TRIM14: variants seen among roughly 807,000 people sequenced by gnomAD.
TRIM14 encodes the protein tripartite motif-containing protein 14.
A neutral mutation model predicts 44.5 loss-of-function variants in TRIM14; 28 were observed. The observed-to-expected ratio is 0.63, with a 90% CI of 0.47 to 0.86. TRIM14 has a LOEUF of 0.86. Ranked by LOEUF, TRIM14 falls within the 40% of genes least tolerant of loss-of-function variation. The pLI is 0.00. For missense variants in TRIM14, 607 were observed against 611.1 expected (o/e 0.99, Z 0.07); for synonymous variants, 299 against 269.2 (o/e 1.11, Z -1.08).
chr9:98,091,838 A>G (rs1040443954), intron 5 of TRIM14, 71 bp downstream of exon 5: 1 of 1,068,782 alleles, frequency 9.4e-7, no homozygotes, highest in Non-Finnish European at 1.3e-6. Context: ...CTCCATTTCC[A>G]TGATCCTCCT....
At chr9:98,118,045 G>A (rs1220510920) in intron 1 of TRIM14, among the ~76,000 whole-genome samples, 2 of 152,156 alleles carry the variant, frequency 1.3e-5, no homozygotes, top group African/African-American at 4.8e-5. Flanking sequence ...TTGTCACAGT[G>A]TGGTGGTCTG....
At chr9:98,038,302 T>A in the TRIM14 span, among the ~76,000 whole-genome samples, 3 of 152,116 alleles carry the variant, frequency 2.0e-5, no homozygotes, top group Non-Finnish European at 4.4e-5. Context: ...TCTGCCCACC[T>A]AAGCCTCCCA....
chr9:98,087,560 G>A lies in TRIM14; in HGVS notation c.1239C>T (p.His413=), dbSNP rs753316236. 23 of 1,596,888 alleles carry A rather than the reference G, an allele frequency of 1.4e-5. No individual in the cohort carries two copies. The highest frequency in any genetic ancestry group is 2.0e-5 in the Non-Finnish European group (23 of 1,173,986). The change falls in exon 6 of 6, where the codon CAC becomes CAT. Residue 413 remains histidine, a synonymous_variant. Transcript: ENST00000341469. ...AFYDVTGGMS[H]LHTFRATFQE... is the part of the protein sequence containing the mutation. ...GGAACGTGGCGCGGAAGGTATGCAGGTGGCTCATGCCGCCCGTCACGTCGT... is the reference window on the plus strand; with the variant it reads ...GGAACGTGGCGCGGAAGGTATGCAGATGGCTCATGCCGCCCGTCACGTCGT...
At position 98,086,817 on chromosome 9, in the gene TRIM14, T is replaced by A. The variant is rs1371288160; in HGVS notation, c.*653A>T. Reference sequence around the variant, plus strand: ...TGAATGCTAAGGTGAGGCGCTTGTATTTTTTTTTGTTATTTCATGGAAACT... The same window carrying A: ...TGAATGCTAAGGTGAGGCGCTTGTAATTTTTTTTGTTATTTCATGGAAACT... On this transcript the variant is annotated 3_prime_UTR_variant, in exon 6 of 6. Coordinates refer to ENST00000341469, the MANE Select transcript of TRIM14 (RefSeq NM_014788.4). 7.1e-6 allele frequency: 1 copy of A among 141,466 alleles called. No individual in the cohort carries two copies. The highest frequency in any genetic ancestry group is 2.8e-5 in the African/African-American group (1 of 35,472). The allele number at this position is 141,466 out of a possible 1,614,324, so 8.8% of individuals were successfully genotyped here.
chr9:98,095,055 T>C lies in TRIM14; in HGVS notation c.538-26A>G, dbSNP rs776646656. On this transcript the variant is annotated intron_variant, in intron 3 of 5. Coordinates refer to ENST00000341469, the MANE Select transcript of TRIM14 (RefSeq NM_014788.4). This position sits in a 1 kb window ranked among gnomAD's most constrained non-coding sequence, Gnocchi z 4.1. The stretch of plus-strand genomic sequence containing the variant: ...CTGTGTGGGCACACGGGGGTGAGGG[T>C]GGCTCTGGGAGATGCAGGCAGCATC... 5 of 1,602,032 alleles carry C rather than the reference T, an allele frequency of 3.1e-6. No individual in the cohort carries two copies. The highest frequency in any genetic ancestry group is 1.9e-4 in the Middle Eastern group (1 of 5,374).
At chr9:98,097,553 T>C (rs186825254) in intron 3 of TRIM14, among the ~76,000 whole-genome samples, 42 of 152,360 alleles carry the variant, frequency 2.8e-4, no homozygotes, top group Non-Finnish European at 5.3e-4. Context: ...GACATAATTT[T>C]GCTAGCTTCA....
intron 6 of TRIM14, among the ~76,000 whole-genome samples, chr9:98,079,111 G>A (rs1829732363): frequency 1.3e-5 from 2 of 152,192 alleles, no homozygotes; most frequent in South Asian, 4.1e-4. Context: ...TGCCTACTCA[G>A]TCATTTCACA....
chr9:98,058,371 C>CA, the TRIM14 span, among the ~76,000 whole-genome samples: 236 of 152,292 alleles, frequency 1.5e-3, no homozygotes, highest in African/African-American at 5.4e-3. Flanking sequence ...ATTTTTACAA[C>CA]AACCCAATGC....
chr9:98,103,836 CAAAAAAAA>C (rs60368742), intron 2 of TRIM14, among the ~76,000 whole-genome samples: 1 of 74,580 alleles, frequency 1.3e-5, no homozygotes, highest in African/African-American at 5.1e-5. Context: ...GACTCCGTCT[CAAAAAAAA>C]AAAAAAAAAA....
downstream of TRIM14, among the ~76,000 whole-genome samples, chr9:98,082,568 C>T (rs1829921222): frequency 6.6e-6 from 1 of 152,186 alleles, no homozygotes. Flanking sequence ...TGGCCTATAC[C>T]CCACAGACTG....
chr9:98,049,986 C>A, the TRIM14 span, among the ~76,000 whole-genome samples: 6,961 of 152,280 alleles, frequency 0.046, 238 homozygotes, highest in South Asian at 0.085. Flanking sequence ...GACTCCAGTG[C>A]AGCTTTGTGG....
chr9:98,055,045 G>C, the TRIM14 span, among the ~76,000 whole-genome samples: 2 of 152,150 alleles, frequency 1.3e-5, no homozygotes, highest in African/African-American at 4.8e-5. Flanking sequence ...TTGAAATGGA[G>C]TTTCGCTCTT....
the TRIM14 span, among the ~76,000 whole-genome samples, chr9:98,040,887 C>G: frequency 6.6e-6 from 1 of 152,114 alleles, no homozygotes; most frequent in Non-Finnish European, 1.5e-5. Context: ...GAACTCCTGA[C>G]CTCTTGATCC....
intron 2 of TRIM14, among the ~76,000 whole-genome samples, chr9:98,103,948 G>A (rs1826503181): frequency 6.6e-6 from 1 of 152,118 alleles, no homozygotes; most frequent in Admixed American, 6.6e-5. Flanking sequence ...ACGAGGGGTG[G>A]GCAGGCTCCC....
the TRIM14 span, among the ~76,000 whole-genome samples, chr9:98,038,518 C>T: frequency 5.6e-4 from 86 of 152,242 alleles, no homozygotes; most frequent in Non-Finnish European, 1.1e-3. Context: ...CAAAGTACTA[C>T]GTTACTTTAC....
the TRIM14 span, among the ~76,000 whole-genome samples, chr9:98,045,595 T>C: frequency 1.3e-5 from 2 of 152,218 alleles, no homozygotes; most frequent in African/African-American, 4.8e-5. Flanking sequence ...TTCCACCACA[T>C]GGCTGTGCTA....
the TRIM14 span, among the ~76,000 whole-genome samples, chr9:98,036,020 C>T: frequency 6.6e-6 from 1 of 151,752 alleles, no homozygotes; most frequent in Non-Finnish European, 1.5e-5. Flanking sequence ...ACCAGCCTGA[C>T]CAACATGGTG....
At chr9:98,117,590 C>G (rs764424393) in intron 1 of TRIM14, among the ~76,000 whole-genome samples, 2 of 152,128 alleles carry the variant, frequency 1.3e-5, no homozygotes, top group Non-Finnish European at 2.9e-5. Flanking sequence ...CCACTGTGCC[C>G]GACTGCTTAT....
At chr9:98,094,275 T>G (rs955640592) in intron 4 of TRIM14, among the ~76,000 whole-genome samples, 6 of 152,130 alleles carry the variant, frequency 3.9e-5, no homozygotes, top group Non-Finnish European at 7.3e-5. Context: ...TATTTTTGAG[T>G]ACATGTTTTG....
Sources: gnomAD v4.1 joint callset for allele counts (sites outside exome capture counted in the v4.1 genomes callset) on GRCh38, gnomAD v4.1.1 for gene constraint, Gnocchi (gnomAD v3.1) non-coding constraint, MANE v1.5 for transcripts, NCBI Gene and HGNC (gene_info 2026-07-23, HGNC 2026-07-21) for gene names.